CCPG1: variants seen among roughly 807,000 people sequenced by gnomAD.
CCPG1 encodes the protein cell cycle progression 1.
A neutral mutation model predicts 81.3 loss-of-function variants in CCPG1; 46 were observed. The observed-to-expected ratio is 0.57, with a 90% CI of 0.45 to 0.72. CCPG1 has a LOEUF of 0.72. CCPG1 is among the 30% of genes least tolerant of loss of function. The pLI, the probability that CCPG1 is intolerant of heterozygous loss-of-function variation, is 0.00. For missense variants in CCPG1, 902 were observed against 937.6 expected (o/e 0.96, Z 0.50); for synonymous variants, 330 against 305.2 (o/e 1.08, Z -0.85).
intron 8 of CCPG1, chr15:55,359,048 C>T (rs1033807964): frequency 1.0e-6 from 1 of 984,210 alleles, no homozygotes; most frequent in African/African-American, 1.7e-5. Context: ...AATTATGTGA[C>T]TAAGTATCAT....
At position 55,404,304 on chromosome 15, in the gene CCPG1, A is replaced by C. The variant is rs914753411; in HGVS notation, c.-10+3917T>G. Among the ~76,000 whole-genome samples, 20 of 152,142 alleles carry C rather than the reference A, an allele frequency of 1.3e-4. 1 individual carries two copies. The highest frequency in any genetic ancestry group is 2.6e-4 in the Non-Finnish European group (18 of 68,028). On this transcript the variant is annotated intron_variant, in intron 1 of 8. Coordinates refer to ENST00000442196, the MANE Select transcript of CCPG1 (RefSeq NM_001204450.2). ...CCAGTGTTAATGGACACTTGGTGTT[A>C]AGGTAAACCCCCTTAATTTTTAAGG...
At chr15:55,372,141 C>T (rs765730997) in intron 5 of CCPG1, 97 bp from the exon 6 acceptor site, 13 of 1,180,046 alleles carry the variant, frequency 1.1e-5, no homozygotes, top group Non-Finnish European at 1.5e-5. Context: ...CCTTACATGC[C>T]TTTCTACATA....
chr15:55,358,919 G>A, intron 8 of CCPG1: 1 of 959,290 alleles, frequency 1.0e-6, no homozygotes, highest in Non-Finnish European at 1.2e-6. Flanking sequence ...TTGAAGATTA[G>A]GTAAGTTTCA....
chr15:55,359,867 C>T lies in CCPG1; in HGVS notation c.1906G>A (p.Ala636Thr). Residue 636 changes from alanine (A) to threonine (T), a missense_variant, in exon 8 of 9, where the codon GCT becomes ACT. Ala to Thr is a moderately conservative substitution (Grantham distance 58). Coordinates refer to ENST00000442196, the MANE Select transcript of CCPG1 (RefSeq NM_001204450.2). ...AAAAGGCTCATGGACTCTTGTTGAG[C>T]ACAATCAAATACACCAGAACAAGCC... ...RKACSGVFDC[A>T]QQESMSLFNT... 6.2e-7 allele frequency: 1 copy of T among 1,613,768 alleles called. No individual in the cohort carries two copies.
intron 6 of CCPG1, among the ~76,000 whole-genome samples, chr15:55,370,714 A>G (rs1053811696): frequency 1.3e-5 from 2 of 150,352 alleles, no homozygotes; most frequent in Non-Finnish European, 3.0e-5. Flanking sequence ...GTCTCTACTA[A>G]AAATACAAAA....
At chr15:55,385,932 G>T (rs2056789231) in intron 2 of CCPG1, among the ~76,000 whole-genome samples, 1 of 152,150 alleles carries the variant, frequency 6.6e-6, no homozygotes, top group African/African-American at 2.4e-5. Flanking sequence ...TCTAAGTCAG[G>T]TCAGCCCAAA....
chr15:55,369,668 C>T (rs979681645), intron 6 of CCPG1, among the ~76,000 whole-genome samples: 6 of 152,136 alleles, frequency 3.9e-5, no homozygotes, highest in Admixed American at 6.6e-5. Flanking sequence ...CTTTTCATAG[C>T]CTGAAAAGGC....
intron 8 of CCPG1, chr15:55,358,823 A>C: frequency 3.1e-6 from 3 of 978,774 alleles, no homozygotes; most frequent in Non-Finnish European, 3.6e-6. Flanking sequence ...GACTAAAGAC[A>C]CCAGAATCAG....
chr15:55,372,109 A>ATT, intron 5 of CCPG1, 65 bp from the exon 6 acceptor site: 1 of 1,479,710 alleles, frequency 6.8e-7, no homozygotes, highest in Admixed American at 1.9e-5. Flanking sequence ...AGTAAAAATT[A>ATT]TTTAGAATAA....
chr15:55,388,238 T>C (rs1350098754), intron 2 of CCPG1, among the ~76,000 whole-genome samples: 1 of 152,156 alleles, frequency 6.6e-6, no homozygotes, highest in Non-Finnish European at 1.5e-5. Context: ...AGATGTCCAT[T>C]AAAACCTGGA....
At chr15:55,404,674 C>CT (rs1323190819) in intron 1 of CCPG1, among the ~76,000 whole-genome samples, 18 of 152,314 alleles carry the variant, frequency 1.2e-4, no homozygotes, top group African/African-American at 4.3e-4. Context: ...GCTCTCATGC[C>CT]TGTATCCAGC....
chr15:55,386,926 G>A (rs746207893), intron 2 of CCPG1, among the ~76,000 whole-genome samples: 3 of 151,772 alleles, frequency 2.0e-5, no homozygotes, highest in Admixed American at 6.6e-5. Context: ...AAAAAGTAGC[G>A]TTTAAGTTGA....
At chr15:55,369,431 A>G (rs1251606338) in intron 6 of CCPG1, among the ~76,000 whole-genome samples, 2 of 152,010 alleles carry the variant, frequency 1.3e-5, no homozygotes, top group Non-Finnish European at 2.9e-5. Flanking sequence ...GATACTCGGG[A>G]GGCTGAGGCA....
At chr15:55,372,582 C>A in intron 5 of CCPG1, 1 of 196,282 alleles carries the variant, frequency 5.1e-6, no homozygotes, top group Non-Finnish European at 1.0e-5. Flanking sequence ...TCACTTGAAC[C>A]TGGGAGGTGG....
chr15:55,363,455 A>G (rs1287996893), intron 7 of CCPG1, among the ~76,000 whole-genome samples: 1 of 150,732 alleles, frequency 6.6e-6, no homozygotes, highest in African/African-American at 2.4e-5. Flanking sequence ...ATGTTATCCT[A>G]TGGAACCAGA....
chr15:55,381,447 GAAAAAA>G (rs1018106415), intron 3 of CCPG1, among the ~76,000 whole-genome samples: 1 of 151,410 alleles, frequency 6.6e-6, no homozygotes, highest in South Asian at 2.1e-4. Flanking sequence ...TAAAGAAAAA[GAAAAAA>G]AAGAAAATTT....
chr15:55,387,133 G>T (rs2056816043), intron 2 of CCPG1, among the ~76,000 whole-genome samples: 1 of 152,166 alleles, frequency 6.6e-6, no homozygotes, highest in African/African-American at 2.4e-5. Flanking sequence ...CTGGAAAGCA[G>T]ATATAGAAGA....
intron 1 of CCPG1, among the ~76,000 whole-genome samples, chr15:55,398,875 C>T (rs2057073138): frequency 6.6e-6 from 1 of 152,128 alleles, no homozygotes; most frequent in African/African-American, 2.4e-5. Context: ...CCACTGCGCC[C>T]AGCATGAAAA....
intron 8 of CCPG1, chr15:55,358,237 C>T (rs996492062): frequency 1.4e-5 from 5 of 350,052 alleles, no homozygotes; most frequent in Non-Finnish European, 2.0e-5. Flanking sequence ...AAGAACAAAC[C>T]TATGTGTGAG....
Sources: gnomAD v4.1 joint callset for allele counts (sites outside exome capture counted in the v4.1 genomes callset) on GRCh38, gnomAD v4.1.1 for gene constraint, MANE v1.5 for transcripts, NCBI Gene and HGNC (gene_info 2026-07-23, HGNC 2026-07-21) for gene names.